Variants in PLXNA1 observed in about 807,000 individuals in gnomAD.
PLXNA1 encodes the protein plexin-A1.
In PLXNA1, 77 loss-of-function variants were observed where a neutral mutation model predicts 191.7. The observed-to-expected ratio is 0.40, with a 90% CI of 0.33 to 0.49. The LOEUF is 0.49. Among genes scored for constraint, PLXNA1 ranks in the 20% least tolerant of loss-of-function variants. The pLI is 0.63. For missense variants in PLXNA1, 2,110 were observed against 2,660.2 expected, an observed-to-expected ratio of 0.79 and a Z score of 4.55; for synonymous variants, 1,137 against 1,156.4, an observed-to-expected ratio of 0.98 and a Z score of 0.34.
chr3:127,012,533 G>A (rs1217963164), intron 10 of PLXNA1, among the ~76,000 whole-genome samples: 2 of 152,240 alleles, frequency 1.3e-5, no homozygotes, highest in African/African-American at 4.8e-5. Context: ...GGAATAGCCA[G>A]GTGGCTGCCA....
chr3:127,028,410 T>C, intron 25 of PLXNA1, 70 bp downstream of exon 25: 1 of 1,500,126 alleles, frequency 6.7e-7, no homozygotes, highest in Non-Finnish European at 8.9e-7. Context: ...GGCCTAGTAC[T>C]GAGCTTGGCG....
In PLXNA1 at chr3:127,014,558, C is replaced by G. The variant is rs149860040; in HGVS notation, c.2685C>G (p.Asp895Glu). ...TGENLGLRFE[D>E]VRLGVRVGKV... is the part of the protein sequence containing the mutation. ...AGAACCTGGGCCTGCGATTCGAAGA[C>G]GTGCGTCTGGGCGTGCGCGTGGGCA... is the stretch of plus-strand genomic sequence containing the variant. Residue 895 changes from aspartate to glutamate, a missense_variant, in exon 13 of 32, where the codon GAC (aspartate) becomes GAG (glutamate). By Grantham distance (45) the Asp-to-Glu change is conservative (BLOSUM62 2). This residue lies in a region of PLXNA1 where 644 missense variants were observed against 714.3 expected (regional missense o/e 0.90). Coordinates refer to ENST00000393409, the MANE Select transcript of PLXNA1 (RefSeq NM_032242.4). 6.2e-7 allele frequency: 1 copy of G among 1,612,374 alleles called. No homozygotes were observed. Among genetic ancestry groups the G allele is most frequent in the African/African-American group, 1.3e-5 (1 of 74,926 alleles).
At position 127,030,386 on chromosome 3, in the gene PLXNA1, C is replaced by T. The variant is rs142940719; in HGVS notation, c.5205C>T (p.Asp1735=). 62 of 1,613,828 alleles carry T rather than the reference C, an allele frequency of 3.8e-5. No homozygotes were observed. Among genetic ancestry groups the T allele is most frequent in the African/African-American group, 8.0e-5 (6 of 74,944 alleles). ...ACAAGCACCAGATCCACGATGCTGA[C>T]GTGCGCCACACCTGGAAGAGCAACT... The part of the protein sequence containing the change: ...QADKHQIHDA[D]VRHTWKSNCL... Residue 1735 remains aspartate, a synonymous_variant, in exon 29 of 32, where the codon GAC becomes GAT. Coordinates refer to ENST00000393409, the MANE Select transcript of PLXNA1 (RefSeq NM_032242.4).
At chr3:127,004,390 C>G (rs757209360) in intron 4 of PLXNA1, among the ~76,000 whole-genome samples, 4 of 152,236 alleles carry the variant, frequency 2.6e-5, no homozygotes, top group Non-Finnish European at 5.9e-5. Flanking sequence ...CCCATATGGA[C>G]TGTTCTCTCT....
intron 22 of PLXNA1, 35 bp from the exon 23 acceptor site, chr3:127,022,717 A>G: frequency 1.3e-6 from 2 of 1,596,560 alleles, no homozygotes; most frequent in Non-Finnish European, 1.7e-6. Flanking sequence ...GACAGCTGGA[A>G]TGACACCACT....
At chr3:127,032,662 G>A in intron 30 of PLXNA1, 24 bp from the exon 31 acceptor site, 1 of 1,611,790 alleles carries the variant, frequency 6.2e-7, no homozygotes, top group Non-Finnish European at 8.5e-7. Flanking sequence ...CTGCTCATGT[G>A]CCCACCTGGC....
At chr3:126,992,449 G>A (rs2078995456) in intron 3 of PLXNA1, among the ~76,000 whole-genome samples, 1 of 152,150 alleles carries the variant, frequency 6.6e-6, no homozygotes, top group African/African-American at 2.4e-5. Context: ...GCTGGCCAGG[G>A]CTTGCAGCTC....
Position 127,013,902 on chromosome 3 carries a change from C to T in PLXNA1, c.2314-118C>T, listed in dbSNP as rs891501951. 1.4e-5 allele frequency: 12 copies of T among 831,364 alleles called. 1 individual carries two copies. Among genetic ancestry groups the T allele is most frequent in the Admixed American group, 5.2e-5 (3 of 57,760 alleles). The allele number at this position is 831,364 out of a possible 1,614,324, so 51.5% of individuals were successfully genotyped here. Reference sequence around the variant, plus strand: ...GTGTAGGATGAGGGTGGAGAGGGAGCGGTTGTGGCTGCAGAAACTTCCCCC... The same window carrying T: ...GTGTAGGATGAGGGTGGAGAGGGAGTGGTTGTGGCTGCAGAAACTTCCCCC... On this transcript the variant is annotated intron_variant, in intron 10 of 31. Coordinates refer to ENST00000393409, the MANE Select transcript of PLXNA1 (RefSeq NM_032242.4).
In PLXNA1 at chr3:127,014,718, T is replaced by G; in HGVS notation, c.2764T>G (p.Cys922Gly). ...SEYISAEQIV[C>G]EIGDASSVRA... ...AGGCCCGCCTGCCCACAGGATCGTC[T>G]GTGAGATCGGGGACGCCAGCTCCGT... Residue 922 changes from cysteine (C) to glycine (G), a missense_variant, in exon 14 of 32, where the codon TGT becomes GGT. Coordinates refer to ENST00000393409, the MANE Select transcript of PLXNA1 (RefSeq NM_032242.4). 6.2e-7 allele frequency: 1 copy of G among 1,611,624 alleles called. No individual in the cohort carries two copies. Among genetic ancestry groups the G allele is most frequent in the Non-Finnish European group, 8.5e-7 (1 of 1,179,598 alleles).
chr3:127,030,498 C>T, intron 29 of PLXNA1, 86 bp downstream of exon 29: 1 of 1,512,936 alleles, frequency 6.6e-7, no homozygotes, highest in East Asian at 2.3e-5. Context: ...TGATCCGGAG[C>T]CCCCACTTGG....
At chr3:127,028,884 C>A in intron 25 of PLXNA1, 109 bp from the exon 26 acceptor site, 1 of 758,846 alleles carries the variant, frequency 1.3e-6, no homozygotes, top group Non-Finnish European at 2.2e-6. Context: ...TGTCCCTGCC[C>A]TGTGCTGGTG....
At chr3:127,021,943 G>A in intron 21 of PLXNA1, 142 bp from the exon 22 acceptor site, 1 of 1,251,928 alleles carries the variant, frequency 8.0e-7, no homozygotes, top group Non-Finnish European at 1.1e-6. Flanking sequence ...TGAGGAGTCA[G>A]GGCAACTTGT....
At position 126,988,645 on chromosome 3, in the gene PLXNA1, C is replaced by T. The variant is rs757848762; in HGVS notation, c.52C>T (p.Leu18=). 1.3e-6 allele frequency: 2 copies of T among 1,565,816 alleles called. No individual in the cohort carries two copies. Among genetic ancestry groups the T allele is most frequent in the Non-Finnish European group, 1.7e-6 (2 of 1,156,612 alleles). ...GGTGCTCCTGCTGCTGCTGCTGTTG[C>T]TGCTGCTGCTGCCGGGCATGTGGGC... The part of the protein sequence containing the change: ...LQVLLLLLLL[L]LLLPGMWAEA... Residue 18 remains leucine, a synonymous_variant, in exon 2 of 32, where the codon CTG becomes TTG. Coordinates refer to ENST00000393409, the MANE Select transcript of PLXNA1 (RefSeq NM_032242.4).
At chr3:126,991,699 A>G (rs2078991764) in intron 3 of PLXNA1, 133 bp downstream of exon 3, 2 of 987,996 alleles carry the variant, frequency 2.0e-6, no homozygotes, top group Non-Finnish European at 1.4e-6. Flanking sequence ...GGCAGGGGGA[A>G]TGTTGCCCTA....
Position 127,032,564 on chromosome 3 carries a change from C to G in PLXNA1, c.5409C>G (p.Ala1803=). Residue 1803 remains alanine, a synonymous_variant, in exon 30 of 32, where the codon GCC becomes GCG. Transcript: ENST00000393409. ...CACCCTCCAACAAGCTGCTCTACGC[C>G]AAGGACATCCCCAACTACAAGAGCT... ...KDSPSNKLLY[A]KDIPNYKSWV... is the part of the protein sequence containing the mutation. 1 of 1,613,982 alleles carries G rather than the reference C, an allele frequency of 6.2e-7. No individual in the cohort carries two copies. The highest frequency in any genetic ancestry group is 1.1e-5 in the South Asian group (1 of 91,074).
At chr3:127,027,891 G>T in intron 23 of PLXNA1, 49 bp from the exon 24 acceptor site, 5 of 1,609,654 alleles carry the variant, frequency 3.1e-6, no homozygotes, top group Non-Finnish European at 4.2e-6. Flanking sequence ...GGCAGGTTGG[G>T]GGTAGGCCCG....
intron 18 of PLXNA1, 37 bp downstream of exon 18, chr3:127,017,701 G>A: frequency 5.0e-6 from 8 of 1,613,104 alleles, no homozygotes; most frequent in Non-Finnish European, 6.8e-6. Context: ...GCCAAGCCAG[G>A]GAAGAGGCCC....
At chr3:126,991,006 A>T (rs1038421485) in intron 2 of PLXNA1, among the ~76,000 whole-genome samples, 2 of 151,674 alleles carry the variant, frequency 1.3e-5, no homozygotes, top group Admixed American at 6.5e-5. Flanking sequence ...CTTCCTCCTG[A>T]GCAGCCTGGC....
At chr3:127,008,620 G>A (rs1021546279) in intron 9 of PLXNA1, among the ~76,000 whole-genome samples, 3 of 152,104 alleles carry the variant, frequency 2.0e-5, no homozygotes, top group South Asian at 2.1e-4. Flanking sequence ...GTGTGGAGCC[G>A]GGACTTGCAG....
Sources: gnomAD v4.1 joint callset for allele counts (sites outside exome capture counted in the v4.1 genomes callset) on GRCh38, gnomAD v4.1.1 for gene constraint, gnomAD v4.1.1 regional missense constraint, MANE v1.5 for transcripts, NCBI Gene and HGNC (gene_info 2026-07-23, HGNC 2026-07-21) for gene names.